Variants in RBFOX1 observed in about 807,000 individuals in gnomAD.
RBFOX1 encodes the protein RNA binding fox-1 homolog 1, also known as RNA binding protein fox-1 homolog 1.
In RBFOX1, 8 loss-of-function variants were observed where a neutral mutation model predicts 57.7. That is an observed-to-expected ratio of 0.14 (90% CI 0.08 to 0.25). RBFOX1 has a LOEUF of 0.25. RBFOX1 is among the 10% of genes least tolerant of loss of function. The pLI is 1.00. For missense variants in RBFOX1, 611 were observed against 548.5 expected, an observed-to-expected ratio of 1.11 and a Z score of -1.14; for synonymous variants, 326 against 222.4, an observed-to-expected ratio of 1.47 and a Z score of -4.15.
intron 2 of RBFOX1, among the ~76,000 whole-genome samples, chr16:6,526,702 C>A (rs1362656476): frequency 1.3e-5 from 2 of 151,246 alleles, no homozygotes; most frequent in Non-Finnish European, 2.9e-5. Context: ...TGGTGGTGGG[C>A]ACCTGTAGTC....
intron 3 of RBFOX1, among the ~76,000 whole-genome samples, chr16:6,659,483 C>T (rs551627998): frequency 2.4e-4 from 36 of 152,100 alleles, no homozygotes; most frequent in African/African-American, 8.2e-4. Context: ...TCTTAAGTAC[C>T]GCCGAATACT....
At chr16:6,593,225 C>T (rs187938509) in intron 2 of RBFOX1, among the ~76,000 whole-genome samples, 2 of 152,224 alleles carry the variant, frequency 1.3e-5, no homozygotes, top group African/African-American at 4.8e-5. Flanking sequence ...GTGGAGATCA[C>T]CCTCTTCCAC....
At chr16:6,357,400 TC>T (rs1018935612) in intron 2 of RBFOX1, among the ~76,000 whole-genome samples, 1 of 151,954 alleles carries the variant, frequency 6.6e-6, no homozygotes, top group Non-Finnish European at 1.5e-5. Flanking sequence ...TTTTCCTTAT[TC>T]CCCGGACTCC....
At chr16:5,385,187 C>A (rs1009418516) in intron 1 of RBFOX1, among the ~76,000 whole-genome samples, 4 of 152,224 alleles carry the variant, frequency 2.6e-5, no homozygotes, top group African/African-American at 7.2e-5. Context: ...TCAGTTCTCA[C>A]CACCACCCTG....
At chr16:7,497,451 A>G (rs1461418812) in intron 4 of RBFOX1, among the ~76,000 whole-genome samples, 4 of 152,078 alleles carry the variant, frequency 2.6e-5, no homozygotes, top group Non-Finnish European at 5.9e-5. Context: ...TTTGCCCCCT[A>G]TAATAATTTA....
chr16:7,359,130 G>A (rs951691851), intron 4 of RBFOX1, among the ~76,000 whole-genome samples: 4 of 152,154 alleles, frequency 2.6e-5, no homozygotes, highest in African/African-American at 9.7e-5. Flanking sequence ...TGTTGGCTTT[G>A]GGTCCAATTC....
At chr16:7,407,647 T>C (rs1324756065) in intron 4 of RBFOX1, among the ~76,000 whole-genome samples, 1 of 152,108 alleles carries the variant, frequency 6.6e-6, no homozygotes, top group Non-Finnish European at 1.5e-5. Context: ...GCAACCAAAA[T>C]ATGGCAGCAT....
intron 4 of RBFOX1, among the ~76,000 whole-genome samples, chr16:7,352,228 C>G (rs993401343): frequency 1.3e-5 from 2 of 152,244 alleles, no homozygotes; most frequent in Admixed American, 1.3e-4. Context: ...TCAGCCTTTC[C>G]CAAGAGGTGA....
chr16:6,506,719 C>T (rs566840791), intron 2 of RBFOX1, among the ~76,000 whole-genome samples: 2 of 140,980 alleles, frequency 1.4e-5, no homozygotes, highest in East Asian at 4.8e-4. Flanking sequence ...TTCATCTTGG[C>T]TTACCGCAAC....
At chr16:7,669,673 C>T (rs1025639120) in intron 13 of RBFOX1, among the ~76,000 whole-genome samples, 3 of 152,190 alleles carry the variant, frequency 2.0e-5, no homozygotes, top group African/African-American at 7.2e-5. Flanking sequence ...TCCTGTCACT[C>T]TGCCACCCAT....
intron 3 of RBFOX1, among the ~76,000 whole-genome samples, chr16:6,775,042 A>T (rs1247276996): frequency 2.0e-5 from 3 of 151,902 alleles, no homozygotes; most frequent in Non-Finnish European, 4.4e-5. Context: ...AAATGTAGAC[A>T]AGGCAGGGCG....
chr16:7,037,167 C>A (rs2044732771), intron 3 of RBFOX1, among the ~76,000 whole-genome samples: 1 of 148,896 alleles, frequency 6.7e-6, no homozygotes, highest in Non-Finnish European at 1.5e-5. Context: ...GACCTCCTAT[C>A]TTATCCTGTG....
At chr16:6,630,341 A>T (rs1264358870) in intron 2 of RBFOX1, among the ~76,000 whole-genome samples, 2 of 152,208 alleles carry the variant, frequency 1.3e-5, no homozygotes, top group African/African-American at 4.8e-5. Context: ...CCATCCATCC[A>T]TCCATGCATC....
At chr16:5,849,887 C>T (rs1597482437) in intron 3 of RBFOX1, among the ~76,000 whole-genome samples, 1 of 152,196 alleles carries the variant, frequency 6.6e-6, no homozygotes, top group African/African-American at 2.4e-5. Flanking sequence ...TTTTCAGCTA[C>T]TCCCAGTGTA....
chr16:5,611,618 C>A (rs1254466626), intron 3 of RBFOX1, among the ~76,000 whole-genome samples: 1 of 152,076 alleles, frequency 6.6e-6, no homozygotes, highest in Non-Finnish European at 1.5e-5. Flanking sequence ...AGTGATTCAC[C>A]TATCCATCTG....
chr16:6,279,929 G>T (rs866563665), intron 1 of RBFOX1, among the ~76,000 whole-genome samples: 1 of 152,062 alleles, frequency 6.6e-6, no homozygotes. Flanking sequence ...AAAGTAAATT[G>T]CATGCTAATG....
At chr16:7,243,903 A>C (rs569328042) in intron 4 of RBFOX1, among the ~76,000 whole-genome samples, 1 of 152,136 alleles carries the variant, frequency 6.6e-6, no homozygotes, top group African/African-American at 2.4e-5. Context: ...CACATAATCA[A>C]AACTCTTAAT....
At chr16:6,165,693 A>G (rs1567597444) in intron 1 of RBFOX1, among the ~76,000 whole-genome samples, 1 of 152,224 alleles carries the variant, frequency 6.6e-6, no homozygotes, top group East Asian at 1.9e-4. Context: ...TAAACGCACA[A>G]CATGCATGGG....
chr16:5,886,970 A>G (rs749342063), intron 4 of RBFOX1, among the ~76,000 whole-genome samples: 2 of 152,250 alleles, frequency 1.3e-5, no homozygotes, highest in Middle Eastern at 3.4e-3. Context: ...CCTCAGCACT[A>G]TTGACATTCT....
Sources: gnomAD v4.1 joint callset for allele counts (sites outside exome capture counted in the v4.1 genomes callset) on GRCh38, gnomAD v4.1.1 for gene constraint, MANE v1.5 for transcripts, NCBI Gene and HGNC (gene_info 2026-07-23, HGNC 2026-07-21) for gene names.